Variants in FAM20C observed in about 807,000 individuals in gnomAD.
The protein encoded by FAM20C is FAM20C golgi associated secretory pathway kinase.
In FAM20C, 40 loss-of-function variants were observed where a neutral mutation model predicts 51.5. That is an observed-to-expected ratio of 0.78 (90% confidence interval 0.60 to 1.01). The LOEUF (loss-of-function observed/expected upper bound fraction) is 1.01, where lower values mean the gene tolerates loss of function less well. Ranked by LOEUF, FAM20C falls within the 50% of genes least tolerant of loss-of-function variation. FAM20C has a pLI of 0.00. For synonymous variants in FAM20C, 406 were observed against 380.6 expected (o/e 1.07, Z -0.78); for missense variants, 861 against 844.7 (o/e 1.02, Z -0.24).
chr7:194,914 C>T (rs959421552), intron 1 of FAM20C, among the ~76,000 whole-genome samples: 7 of 152,236 alleles, frequency 4.6e-5, no homozygotes, highest in South Asian at 4.1e-4. Flanking sequence ...TCCTCCAGAA[C>T]GGTCCCTTGA....
chr7:232,767 C>T (rs36184381), intron 3 of FAM20C, among the ~76,000 whole-genome samples: 1 of 152,236 alleles, frequency 6.6e-6, no homozygotes, highest in African/African-American at 2.4e-5. Context: ...TGACCGGCCC[C>T]TCGGCCGTGC....
intron 3 of FAM20C, among the ~76,000 whole-genome samples, chr7:219,645 G>C (rs1323055082): frequency 6.6e-6 from 1 of 152,182 alleles, no homozygotes; most frequent in Non-Finnish European, 1.5e-5. Context: ...CTGTCCAGCA[G>C]TCAGCCCAGG....
Position 223,817 on chromosome 7 carries a change from T to C in FAM20C, c.863+14841T>C, listed in dbSNP as rs117086183. Among the ~76,000 whole-genome samples, 433 of 152,240 alleles carry C rather than the reference T, an allele frequency of 2.8e-3. 22 individuals carry two copies. In the East Asian group the frequency reaches 0.072, roughly 25 times the overall value. On this transcript the variant is annotated intron_variant, in intron 3 of 9. Transcript: ENST00000313766. ...CAGAAGAAAAATGAACTTTTTTCAT[T>C]TGAAGAACAATCCTGAAATGAGCTT...
At chr7:209,059 G>C in intron 3 of FAM20C, 83 bp downstream of exon 3, 1 of 1,370,892 alleles carries the variant, frequency 7.3e-7, no homozygotes, top group Non-Finnish European at 1.0e-6. Flanking sequence ...GGGGATGGCC[G>C]TGTCTCCTCC....
chr7:195,969 C>T (rs1291162855), intron 2 of FAM20C, among the ~76,000 whole-genome samples: 1 of 152,228 alleles, frequency 6.6e-6, no homozygotes, highest in East Asian at 1.9e-4. Flanking sequence ...GCCTGGACAG[C>T]CGGTCCACTG....
At chr7:212,323 T>C (rs1420229382) in intron 3 of FAM20C, among the ~76,000 whole-genome samples, 3 of 151,776 alleles carry the variant, frequency 2.0e-5, no homozygotes, top group South Asian at 2.1e-4. Context: ...ATTAGCCGGG[T>C]GTGGTGGTTT....
chr7:212,835 A>G (rs141173145), intron 3 of FAM20C, among the ~76,000 whole-genome samples: 1 of 152,194 alleles, frequency 6.6e-6, no homozygotes, highest in Non-Finnish European at 1.5e-5. Flanking sequence ...CATGCGATTC[A>G]CCCACTTAAA....
intron 2 of FAM20C, among the ~76,000 whole-genome samples, chr7:207,923 T>C (rs893310527): frequency 1.3e-5 from 2 of 152,128 alleles, no homozygotes; most frequent in Non-Finnish European, 2.9e-5. Context: ...GAGGGTCCCA[T>C]TGGGAGTTCT....
In FAM20C at chr7:193,719, G is replaced by T. The variant is rs969071982; in HGVS notation, c.520G>T (p.Val174Phe). ...CGAGCACCCGCTTTACCGGGTGGCG[G>T]TTCCGCCGCTCACGGAGGAGGACGT... ...LFEHPLYRVA[V>F]PPLTEEDVLF... Residue 174 changes from valine (V) to phenylalanine (F), a missense_variant, in exon 1 of 10, where the codon GTT becomes TTT. Val to Phe is a conservative substitution (Grantham distance 50). Around this residue, in one of 3 missense-constraint regions of FAM20C, gnomAD observed 561 missense variants for 499.8 expected, o/e 1.12. Transcript: ENST00000313766. 2.4e-5 allele frequency: 37 copies of T among 1,547,038 alleles called. No individual in the cohort carries two copies. In the Admixed American group the frequency reaches 2.8e-4, roughly 12 times the overall value.
At chr7:209,421 T>TA (rs1413118151) in intron 3 of FAM20C, among the ~76,000 whole-genome samples, 1 of 152,314 alleles carries the variant, frequency 6.6e-6, no homozygotes, top group East Asian at 1.9e-4. Flanking sequence ...CGGGTGGTCC[T>TA]AGCCCCAAAG....
intron 2 of FAM20C, chr7:197,524 C>G (rs528187530): frequency 2.8e-4 from 47 of 166,946 alleles, no homozygotes; most frequent in South Asian, 6.2e-4. Flanking sequence ...TCATTTTCCC[C>G]ATCTGTCCAG....
Position 222,960 on chromosome 7 carries a change from G to A in FAM20C, c.863+13984G>A, listed in dbSNP as rs544770173. On this transcript the variant is annotated intron_variant, in intron 3 of 9. Coordinates refer to ENST00000313766, the MANE Select transcript of FAM20C (RefSeq NM_020223.4). Reference sequence around the variant, plus strand: ...CACGTGTGCATGTGTGTGTGAGGGCGTTCATCTGTTGTCATGCAGGTGCTG... The same window carrying A: ...CACGTGTGCATGTGTGTGTGAGGGCATTCATCTGTTGTCATGCAGGTGCTG... Among the ~76,000 whole-genome samples the A allele has an allele frequency of 3.2e-4, 48 of 152,204 alleles. 1 individual carries two copies. In the South Asian group the frequency reaches 5.4e-3, roughly 17 times the overall value.
intron 3 of FAM20C, among the ~76,000 whole-genome samples, chr7:209,180 C>T (rs1043985763): frequency 1.7e-4 from 26 of 152,232 alleles, no homozygotes; most frequent in African/African-American, 6.0e-4. Context: ...TCCCCACCTC[C>T]TCCCTTTTTA....
At chr7:236,495 A>G (rs1031353261) in intron 3 of FAM20C, among the ~76,000 whole-genome samples, 20 of 152,152 alleles carry the variant, frequency 1.3e-4, no homozygotes, top group African/African-American at 4.8e-4. Flanking sequence ...ACTGGCTGCA[A>G]AAATTTCCCC....
intron 3 of FAM20C, chr7:228,303 C>A (rs182617232): frequency 1.6e-5 from 6 of 371,220 alleles, no homozygotes; most frequent in Non-Finnish European, 3.3e-5. Flanking sequence ...CCATGGGTTC[C>A]GAAGAAGGCA....
chr7:223,264 G>A (rs985813040), intron 3 of FAM20C, among the ~76,000 whole-genome samples: 1 of 152,182 alleles, frequency 6.6e-6, no homozygotes, highest in South Asian at 2.1e-4. Context: ...ATGGAGACGT[G>A]GGGATTTCCG....
At chr7:246,020 C>A (rs1004231407) in intron 3 of FAM20C, 1 of 162,314 alleles carries the variant, frequency 6.2e-6, no homozygotes, top group Non-Finnish European at 1.3e-5. Flanking sequence ...AGCCCAGCCT[C>A]TCCCCTGCGG....
At chr7:242,809 G>T (rs1413926458) in intron 3 of FAM20C, among the ~76,000 whole-genome samples, 2 of 152,210 alleles carry the variant, frequency 1.3e-5, no homozygotes, top group African/African-American at 4.8e-5. Context: ...AGCACCGATG[G>T]ACAGGCCAGG....
At chr7:248,814 C>T (rs1238223833) in intron 5 of FAM20C, among the ~76,000 whole-genome samples, 1 of 151,392 alleles carries the variant, frequency 6.6e-6, no homozygotes, top group Non-Finnish European at 1.5e-5. Flanking sequence ...CACAGGGGCC[C>T]GCATTCATCT....
Sources: gnomAD v4.1 joint callset for allele counts (sites outside exome capture counted in the v4.1 genomes callset) on GRCh38, gnomAD v4.1.1 for gene constraint, gnomAD v4.1.1 regional missense constraint, MANE v1.5 for transcripts, NCBI Gene and HGNC (gene_info 2026-07-23, HGNC 2026-07-21) for gene names.